CARMIL1: variants seen among roughly 807,000 people sequenced by gnomAD.
CARMIL1 encodes the protein capping protein regulator and myosin 1 linker 1, also known as F-actin-uncapping protein LRRC16A.
CARMIL1 carries 90 observed loss-of-function variants against 177.1 expected under a neutral mutation model. That is an observed-to-expected ratio of 0.51 (90% confidence interval 0.43 to 0.61). CARMIL1 has a LOEUF of 0.61. Ranked by LOEUF, CARMIL1 falls within the 20% of genes least tolerant of loss-of-function variation. CARMIL1 has a pLI of 0.00. For synonymous variants in CARMIL1, 577 were observed against 606.2 expected (o/e 0.95, Z 0.71); for missense variants, 1,380 against 1,667.0 (o/e 0.83, Z 3.00).
chr6:25,486,546 T>C (rs899153014), intron 12 of CARMIL1, among the ~76,000 whole-genome samples: 30 of 152,316 alleles, frequency 2.0e-4, no homozygotes, highest in African/African-American at 6.5e-4. Context: ...ACTTAGTTAT[T>C]CCATTAAAAA....
At position 25,372,583 on chromosome 6, in the gene CARMIL1, A is replaced by G. The variant is rs150262298; in HGVS notation, c.139-47531A>G. ...GTATGGCAGTACTACTGATTTGTGT[A>G]CATTGATTTTGTAACCTGAGACTTC... On this transcript the variant is annotated intron_variant, in intron 2 of 36. Transcript: ENST00000329474. Among the ~76,000 whole-genome samples the G allele has an allele frequency of 1.5e-3, 226 of 152,276 alleles. 1 individual carries two copies. Among genetic ancestry groups the G allele is most frequent in the African/African-American group, 5.1e-3 (213 of 41,570 alleles).
intron 2 of CARMIL1, among the ~76,000 whole-genome samples, chr6:25,314,766 A>T (rs1317366599): frequency 6.6e-6 from 1 of 152,148 alleles, no homozygotes; most frequent in African/African-American, 2.4e-5. Flanking sequence ...ATACAGATGG[A>T]TGTACTCTGT....
At chr6:25,418,918 A>T (rs1372291769) in intron 2 of CARMIL1, among the ~76,000 whole-genome samples, 1 of 152,190 alleles carries the variant, frequency 6.6e-6, no homozygotes, top group Non-Finnish European at 1.5e-5. Context: ...CATCTGTCTC[A>T]TAAATAGTTC....
intron 29 of CARMIL1, among the ~76,000 whole-genome samples, chr6:25,561,842 TA>T (rs893748538): frequency 1.3e-5 from 2 of 152,298 alleles, no homozygotes; most frequent in Non-Finnish European, 2.9e-5. Flanking sequence ...CTCATAATTT[TA>T]TTCTGTAATG....
At chr6:25,560,562 T>C (rs1197239539) in intron 29 of CARMIL1, among the ~76,000 whole-genome samples, 1 of 152,182 alleles carries the variant, frequency 6.6e-6, no homozygotes, top group Non-Finnish European at 1.5e-5. Flanking sequence ...GCAACCTGAA[T>C]AATAAGGTCT....
intron 2 of CARMIL1, among the ~76,000 whole-genome samples, chr6:25,401,268 C>G (rs907978382): frequency 2.3e-5 from 3 of 130,330 alleles, no homozygotes; most frequent in Non-Finnish European, 5.0e-5. Context: ...CCAGAAGAAA[C>G]ATTTTATACA....
chr6:25,463,773 C>T (rs1250561604), intron 8 of CARMIL1, among the ~76,000 whole-genome samples: 5 of 149,136 alleles, frequency 3.4e-5, no homozygotes, highest in South Asian at 2.1e-4. Flanking sequence ...TGGAGGGGGA[C>T]GAAGAGAGGG....
intron 5 of CARMIL1, among the ~76,000 whole-genome samples, chr6:25,446,639 G>A (rs941791070): frequency 5.9e-5 from 9 of 152,174 alleles, no homozygotes; most frequent in African/African-American, 1.7e-4. Flanking sequence ...TGGAAGTAGC[G>A]CTTTTAACTT....
intron 29 of CARMIL1, among the ~76,000 whole-genome samples, chr6:25,560,259 T>C (rs532029686): frequency 6.6e-6 from 1 of 152,320 alleles, no homozygotes; most frequent in African/African-American, 2.4e-5. Context: ...TTGTTTCCCA[T>C]AAGATAAATG....
chr6:25,308,119 CAG>C (rs1354350187), intron 2 of CARMIL1, among the ~76,000 whole-genome samples: 1 of 152,178 alleles, frequency 6.6e-6, no homozygotes, highest in East Asian at 1.9e-4. Flanking sequence ...ACAAACATAA[CAG>C]TGCATTGCTT....
chr6:25,599,032 C>A (rs1815130911), intron 32 of CARMIL1, among the ~76,000 whole-genome samples: 1 of 152,250 alleles, frequency 6.6e-6, no homozygotes, highest in Non-Finnish European at 1.5e-5. Flanking sequence ...CCTCACTCAG[C>A]TCAGCTGCAT....
chr6:25,529,755 C>CAA lies in CARMIL1; in HGVS notation c.2067+891_2067+892dup, dbSNP rs70977217. Among the ~76,000 whole-genome samples, 96 of 33,534 alleles carry CAA rather than the reference C, an allele frequency of 2.9e-3. 10 individuals carry two copies. Among genetic ancestry groups the CAA allele is most frequent in the African/African-American group, 5.5e-3 (58 of 10,594 alleles). The allele number at this position is 33,534 out of a possible 152,430, so 22.0% of individuals were successfully genotyped here. A position where few individuals can be genotyped will look rare whatever the true frequency, so the allele number is the denominator to read the frequency against. On this transcript the variant is annotated intron_variant, in intron 24 of 36. Transcript: ENST00000329474. Reference sequence around the variant, plus strand: ...GGGCGACAGAGCGAGACTCCGTCTCCAAAAAAAAAAAAAAAAAAAAAAAAA... The same window carrying CAA: ...GGGCGACAGAGCGAGACTCCGTCTCCAAAAAAAAAAAAAAAAAAAAAAAAAAA...
chr6:25,613,168 AT>A (rs1191061696), intron 36 of CARMIL1, among the ~76,000 whole-genome samples: 1 of 152,182 alleles, frequency 6.6e-6, no homozygotes, highest in Non-Finnish European at 1.5e-5. Flanking sequence ...ATGCAAGTTT[AT>A]TTTTATAATT....
chr6:25,296,893 T>TTATCTATCTATCTATCTATC (rs6149486), intron 2 of CARMIL1, among the ~76,000 whole-genome samples: 1 of 85,918 alleles, frequency 1.2e-5, no homozygotes, highest in African/African-American at 5.4e-5. Context: ...ATATCTATCT[T>TTATCTATCTATCTATCTATC]TATCTATCTA....
intron 23 of CARMIL1, 55 bp downstream of exon 23, chr6:25,520,392 T>C: frequency 1.0e-6 from 1 of 985,818 alleles, no homozygotes; most frequent in South Asian, 1.5e-5. Context: ...ATTGTGGTTA[T>C]GTTCCTGAAC....
At chr6:25,361,829 A>G (rs1156885429) in intron 2 of CARMIL1, among the ~76,000 whole-genome samples, 1 of 152,154 alleles carries the variant, frequency 6.6e-6, no homozygotes, top group African/African-American at 2.4e-5. Context: ...TTGCTCTCTC[A>G]CCGTATGATG....
intron 32 of CARMIL1, among the ~76,000 whole-genome samples, chr6:25,597,299 T>C (rs1212867885): frequency 6.6e-6 from 1 of 152,110 alleles, no homozygotes; most frequent in Non-Finnish European, 1.5e-5. Flanking sequence ...TCAAAACTCA[T>C]GTTGAGCCCA....
chr6:25,371,849 G>A (rs1244462123), intron 2 of CARMIL1, among the ~76,000 whole-genome samples: 1 of 152,048 alleles, frequency 6.6e-6, no homozygotes, highest in Non-Finnish European at 1.5e-5. Context: ...ATGTCCAGAA[G>A]TTTTTCCTAG....
chr6:25,459,370 T>C (rs1799944005), intron 8 of CARMIL1, among the ~76,000 whole-genome samples: 1 of 149,958 alleles, frequency 6.7e-6, no homozygotes, highest in Non-Finnish European at 1.5e-5. Context: ...ACTACAGGCA[T>C]GTACCACCAT....
Sources: gnomAD v4.1 joint callset for allele counts (sites outside exome capture counted in the v4.1 genomes callset) on GRCh38, gnomAD v4.1.1 for gene constraint, MANE v1.5 for transcripts, NCBI Gene and HGNC (gene_info 2026-07-23, HGNC 2026-07-21) for gene names.